Variants in REL observed in about 807,000 individuals in gnomAD.
The protein encoded by REL is REL proto-oncogene, NF-kB subunit.
A neutral mutation model predicts 45.9 loss-of-function variants in REL; 15 were observed. That is an observed-to-expected ratio of 0.33 (90% CI 0.22 to 0.50). The LOEUF (loss-of-function observed/expected upper bound fraction) is 0.50. Ranked by LOEUF, REL falls within the 20% of genes least tolerant of loss-of-function variation. The pLI is 0.98. For synonymous variants in REL, 239 were observed against 242.1 expected, an observed-to-expected ratio of 0.99 and a Z score of 0.12; for missense variants, 601 against 715.2, an observed-to-expected ratio of 0.84 and a Z score of 1.82.
intron 4 of REL, among the ~76,000 whole-genome samples, chr2:60,915,926 T>C (rs1673950535): frequency 6.6e-6 from 1 of 152,230 alleles, no homozygotes; most frequent in Admixed American, 6.5e-5. Flanking sequence ...TTTTTTTGTT[T>C]CTTGGTATTT....
In REL at chr2:60,929,433, A is replaced by G. The variant is rs551143385; in HGVS notation, c.*6898A>G. On this transcript the variant is annotated 3_prime_UTR_variant, in exon 10 of 10. Transcript: ENST00000394479. ...CTTGGAACCAACCCAAATGTCCAACAATGATAGACTGGATTAAGAAAATGT... is the reference window on the plus strand; with the variant it reads ...CTTGGAACCAACCCAAATGTCCAACGATGATAGACTGGATTAAGAAAATGT... 1.9e-4 allele frequency: 28 copies of G among 144,462 alleles called. No homozygotes were observed. Among genetic ancestry groups the G allele is most frequent in the East Asian group, 3.9e-4 (2 of 5,088 alleles). The allele number at this position is 144,462 out of a possible 1,614,324, so 8.9% of individuals were successfully genotyped here.
At chr2:60,907,644 AAACT>A (rs1316643550) in intron 4 of REL, among the ~76,000 whole-genome samples, 1 of 152,066 alleles carries the variant, frequency 6.6e-6, no homozygotes, top group Non-Finnish European at 1.5e-5. Flanking sequence ...AAAAACAAAC[AAACT>A]AAAACGGTTG....
intron 1 of REL, among the ~76,000 whole-genome samples, chr2:60,885,644 T>G (rs1673053933): frequency 6.6e-6 from 1 of 152,224 alleles, no homozygotes; most frequent in South Asian, 2.1e-4. Flanking sequence ...GAGACCTAGT[T>G]TGAGGAAAAA....
In REL at chr2:60,930,698, G is replaced by A. The variant is rs1558832964; in HGVS notation, c.*8163G>A. On this transcript the variant is annotated 3_prime_UTR_variant, in exon 10 of 10. Coordinates refer to ENST00000394479, the MANE Select transcript of REL (RefSeq NM_001291746.2). ...AAAATACAGATCAAAGTTTTCAAAAGTAATCACTCTATTTATTCTAAATGT... is the reference window on the plus strand; with the variant it reads ...AAAATACAGATCAAAGTTTTCAAAAATAATCACTCTATTTATTCTAAATGT... 6.6e-6 allele frequency: 1 copy of A among 152,270 alleles called. No homozygotes were observed. The allele number at this position is 152,270 out of a possible 1,614,324, so 9.4% of individuals were successfully genotyped here. A position where few individuals can be genotyped will look rare whatever the true frequency, so the allele number is the denominator to read the frequency against.
chr2:60,915,376 G>A (rs545655031), intron 4 of REL, among the ~76,000 whole-genome samples: 1 of 152,162 alleles, frequency 6.6e-6, no homozygotes, highest in East Asian at 1.9e-4. Context: ...CTACACAATA[G>A]TGCCAGTAGA....
At chr2:60,889,305 A>G (rs1673147834) in intron 1 of REL, among the ~76,000 whole-genome samples, 1 of 152,094 alleles carries the variant, frequency 6.6e-6, no homozygotes, top group South Asian at 2.1e-4. Flanking sequence ...TTTCCGCAGA[A>G]TTTTGTTAGT....
At chr2:60,917,597 A>G (rs1035381515) in intron 5 of REL, among the ~76,000 whole-genome samples, 2 of 143,634 alleles carry the variant, frequency 1.4e-5, no homozygotes, top group South Asian at 2.1e-4. Flanking sequence ...TGGTGCAGTC[A>G]TGGCTCACTG....
At chr2:60,896,862 T>G (rs1444051878) in intron 3 of REL, among the ~76,000 whole-genome samples, 1 of 152,190 alleles carries the variant, frequency 6.6e-6, no homozygotes, top group African/African-American at 2.4e-5. Context: ...GTTCCAACTC[T>G]CTCCCCAATT....
chr2:60,901,316 C>A lies in REL; in HGVS notation c.394+233C>A, dbSNP rs542561261. On this transcript the variant is annotated intron_variant, in intron 4 of 9. Coordinates refer to ENST00000394479, the MANE Select transcript of REL (RefSeq NM_001291746.2). ...AGCTGGGATTATAGGCGCCCACCAT[C>A]ACACCCAGCTAATTTTTGTATTTTA... is the stretch of plus-strand genomic sequence containing the variant. Among the ~76,000 whole-genome samples the A allele has an allele frequency of 2.0e-5, 3 of 152,074 alleles. No homozygotes were observed. In the South Asian group the frequency reaches 6.2e-4, roughly 32 times the overall value.
At position 60,923,930 on chromosome 2, in the gene REL, G is replaced by C. The variant is rs1338608284; in HGVS notation, c.*1395G>C. The C allele has an allele frequency of 1.3e-5, 3 of 232,802 alleles. No homozygotes were observed. Among genetic ancestry groups the C allele is most frequent in the Non-Finnish European group, 2.5e-5 (3 of 117,856 alleles). 14.4% of individuals were successfully genotyped at this position (232,802 alleles called of 1,614,324 possible). Reference sequence around the variant, plus strand: ...TCTCATCTCACTCAGAGCAGTCAAAGTCCTTAAAAGTTGCAGGCCTAGACT... The same window carrying C: ...TCTCATCTCACTCAGAGCAGTCAAACTCCTTAAAAGTTGCAGGCCTAGACT... On this transcript the variant is annotated 3_prime_UTR_variant, in exon 10 of 10. Coordinates refer to ENST00000394479, the MANE Select transcript of REL (RefSeq NM_001291746.2).
At chr2:60,915,841 A>G (rs1558814796) in intron 4 of REL, among the ~76,000 whole-genome samples, 1 of 152,204 alleles carries the variant, frequency 6.6e-6, no homozygotes, top group Non-Finnish European at 1.5e-5. Context: ...AGTTTTATAG[A>G]ACTGTAAAAT....
intron 7 of REL, among the ~76,000 whole-genome samples, 186 bp from the exon 8 acceptor site, chr2:60,919,855 A>C (rs1228786199): frequency 6.6e-6 from 1 of 152,184 alleles, no homozygotes; most frequent in East Asian, 1.9e-4. Context: ...ATTTTTTACT[A>C]AGAGAAAAAT....
chr2:60,921,946 A>G lies in REL; in HGVS notation c.1175A>G (p.Asn392Ser), dbSNP rs140063361. Reference protein sequence around the residue: ...SVAHPTPRSGNTNPLSSFSTR... With the variant: ...SVAHPTPRSGSTNPLSSFSTR... ...GCCCACCCCACCCCACGCTCAGGCAATACAAACCCACTGAGTAGTTTTTCA... is the reference window on the plus strand; with the variant it reads ...GCCCACCCCACCCCACGCTCAGGCAGTACAAACCCACTGAGTAGTTTTTCA... The change falls in exon 10 of 10, where the codon AAT (asparagine) becomes AGT (serine). Residue 392 changes from asparagine to serine, a missense_variant. Physicochemically the swap from Asn to Ser is conservative, Grantham distance 46. Coordinates refer to ENST00000394479, the MANE Select transcript of REL (RefSeq NM_001291746.2). The G allele has an allele frequency of 1.2e-4, 200 of 1,614,128 alleles. 2 individuals are homozygous for G. The highest frequency in any genetic ancestry group is 5.3e-4 in the East Asian group (24 of 44,868).
intron 4 of REL, among the ~76,000 whole-genome samples, chr2:60,905,944 C>A (rs909959727): frequency 6.6e-6 from 1 of 152,174 alleles, no homozygotes; most frequent in Non-Finnish European, 1.5e-5. Context: ...CGTTTTCACT[C>A]TGCTGATAAA....
rs1674305694 is a variant in REL, at chr2:60,927,992, A to C, written c.*5457A>C. On this transcript the variant is annotated 3_prime_UTR_variant, in exon 10 of 10. Coordinates refer to ENST00000394479, the MANE Select transcript of REL (RefSeq NM_001291746.2). Reference sequence around the variant, plus strand: ...ACGTCTAACCTAATACTTCAGGAAAACTCATGATGGTTTCCATGTTAAGAG... The same window carrying C: ...ACGTCTAACCTAATACTTCAGGAAACCTCATGATGGTTTCCATGTTAAGAG... The C allele has an allele frequency of 4.8e-6, 1 of 210,280 alleles. No individual in the cohort carries two copies. Among genetic ancestry groups the C allele is most frequent in the Non-Finnish European group, 9.7e-6 (1 of 103,624 alleles). The allele number at this position is 210,280 out of a possible 1,614,324, so 13.0% of individuals were successfully genotyped here.
intron 4 of REL, among the ~76,000 whole-genome samples, chr2:60,901,917 C>G (rs1170626339): frequency 6.6e-6 from 1 of 151,978 alleles, no homozygotes; most frequent in African/African-American, 2.4e-5. Context: ...AGTATTTATA[C>G]TTATGGTACT....
intron 1 of REL, among the ~76,000 whole-genome samples, chr2:60,889,165 T>G (rs1673143844): frequency 6.6e-6 from 1 of 152,212 alleles, no homozygotes; most frequent in African/African-American, 2.4e-5. Flanking sequence ...TAAACCCTCC[T>G]CTGTGGACAC....
chr2:60,920,505 TTTCAGATTTTA>T (rs1244567783), intron 8 of REL, 58 bp from the exon 9 acceptor site: 1 of 1,288,680 alleles, frequency 7.8e-7, no homozygotes, highest in South Asian at 1.2e-5. Flanking sequence ...CCGGCCAGTT[TTTCAGATTTTA>T]ACTGATAATG....
intron 2 of REL, among the ~76,000 whole-genome samples, chr2:60,893,463 T>C (rs1234408813): frequency 1.3e-5 from 2 of 152,182 alleles, no homozygotes; most frequent in Non-Finnish European, 2.9e-5. Context: ...TTTTGAGTCA[T>C]TTTTAAACTT....
Sources: gnomAD v4.1 joint callset for allele counts (sites outside exome capture counted in the v4.1 genomes callset) on GRCh38, gnomAD v4.1.1 for gene constraint, MANE v1.5 for transcripts, NCBI Gene and HGNC (gene_info 2026-07-23, HGNC 2026-07-21) for gene names.